Variants in FAM107B observed in about 807,000 individuals in gnomAD.
The protein encoded by FAM107B is protein FAM107B.
A neutral mutation model predicts 31.5 loss-of-function variants in FAM107B; 21 were observed. The observed-to-expected ratio is 0.67, with a 90% CI of 0.47 to 0.96. FAM107B has a LOEUF of 0.96. Ranked by LOEUF, FAM107B falls within the 40% of genes least tolerant of loss-of-function variation. The pLI, the probability that FAM107B is intolerant of heterozygous loss-of-function variation, is 0.00. For missense variants in FAM107B, 452 were observed against 377.1 expected (o/e 1.20, Z -1.64); for synonymous variants, 157 against 141.5 (o/e 1.11, Z -0.78).
chr10:14,654,320 T>C lies in FAM107B; in HGVS notation c.469+13314A>G, dbSNP rs1224874155. On this transcript the variant is annotated intron_variant, in intron 2 of 4. Transcript: ENST00000181796. ...CAGTCATAAGCAGTTGAAATAACCT[T>C]TCGGGTCTTCAGAATTACTTCCTAT... Among the ~76,000 whole-genome samples the C allele has an allele frequency of 1.7e-4, 26 of 152,234 alleles. 1 individual carries two copies. Among genetic ancestry groups the C allele is most frequent in the Non-Finnish European group, 4.4e-5 (3 of 68,040 alleles).
At chr10:14,618,018 CA>C (rs1852897747) in intron 2 of FAM107B, among the ~76,000 whole-genome samples, 1 of 152,188 alleles carries the variant, frequency 6.6e-6, no homozygotes, top group Non-Finnish European at 1.5e-5. Flanking sequence ...ACCACCTCCA[CA>C]ATTATCATAG....
chr10:14,628,112 G>GGTTTTTTTTGTTTTTTTTTTTT, intron 2 of FAM107B, among the ~76,000 whole-genome samples: 1 of 92,688 alleles, frequency 1.1e-5, no homozygotes, highest in East Asian at 4.4e-4. Context: ...TGTTTTGCTG[G>GGTTTTTTTTGTTTTTTTTTTTT]TTTTTTTTTT....
At chr10:14,767,039 TATATATATATATATATAGAGAG>T (rs1239708772) in intron 1 of FAM107B, among the ~76,000 whole-genome samples, 1 of 34,368 alleles carries the variant, frequency 2.9e-5, no homozygotes, top group African/African-American at 7.6e-5. Flanking sequence ...TATATATATA[TATATATATATATATATAGAGAG>T]AGAGAGAGAG....
intron 1 of FAM107B, chr10:14,723,249 G>A (rs1478214074): frequency 3.9e-5 from 21 of 532,278 alleles, no homozygotes; most frequent in Non-Finnish European, 7.8e-5. Flanking sequence ...TGGTGGGGCC[G>A]AGCACTCCAG....
chr10:14,553,942 G>A (rs139492423), intron 2 of FAM107B, among the ~76,000 whole-genome samples: 261 of 152,202 alleles, frequency 1.7e-3, no homozygotes, highest in African/African-American at 5.9e-3. Context: ...AGGCTGACTC[G>A]TTTTAAAGCG....
intron 2 of FAM107B, chr10:14,653,976 A>G (rs3740118): frequency 0.05 from 7,683 of 152,242 alleles, 238 homozygotes; most frequent in South Asian, 0.071. Context: ...TGTAAGGTTT[A>G]TTATTTGTTT....
At chr10:14,523,280 T>C (rs1845861819) in intron 3 of FAM107B, among the ~76,000 whole-genome samples, 2 of 152,338 alleles carry the variant, frequency 1.3e-5, no homozygotes, top group Admixed American at 6.5e-5. Flanking sequence ...AACTCATAAG[T>C]AATCTCAACT....
chr10:14,760,947 G>A (rs1463465109), intron 1 of FAM107B, among the ~76,000 whole-genome samples: 6 of 146,006 alleles, frequency 4.1e-5, no homozygotes, highest in African/African-American at 1.6e-4. Flanking sequence ...GGGAGGCGAA[G>A]GTTGCAGTGA....
intron 1 of FAM107B, among the ~76,000 whole-genome samples, chr10:14,764,291 T>C (rs529975355): frequency 4.6e-5 from 7 of 152,374 alleles, no homozygotes; most frequent in African/African-American, 1.7e-4. Context: ...TTTGATGTTT[T>C]AAGTTACAGG....
intron 1 of FAM107B, among the ~76,000 whole-genome samples, chr10:14,752,762 T>C (rs12098258): frequency 0.013 from 1,965 of 152,082 alleles, 45 homozygotes; most frequent in African/African-American, 0.044. Flanking sequence ...CGAGACCCCA[T>C]CTCTACAAAA....
At chr10:14,616,252 C>T (rs1340153664) in intron 2 of FAM107B, among the ~76,000 whole-genome samples, 1 of 152,082 alleles carries the variant, frequency 6.6e-6, no homozygotes, top group East Asian at 1.9e-4. Flanking sequence ...TCTTAAGACT[C>T]AGTTTTATAT....
At chr10:14,661,742 G>A (rs1854246434) in intron 2 of FAM107B, 1 of 152,258 alleles carries the variant, frequency 6.6e-6, no homozygotes, top group Admixed American at 6.5e-5. Context: ...TTCAGGAAGA[G>A]AATGATTTTG....
chr10:14,612,707 G>A lies in FAM107B; in HGVS notation c.469+54927C>T, dbSNP rs149062374. On this transcript the variant is annotated intron_variant, in intron 2 of 4. Transcript: ENST00000181796. Reference sequence around the variant, plus strand: ...ACAAAGATATGATAGAACTGTCCTTGTCTTTGACAGACCAAAGAAAATAAC... The same window carrying A: ...ACAAAGATATGATAGAACTGTCCTTATCTTTGACAGACCAAAGAAAATAAC... Among the ~76,000 whole-genome samples, 12 of 152,316 alleles carry A rather than the reference G, an allele frequency of 7.9e-5. 1 individual carries two copies. The highest frequency in any genetic ancestry group is 1.8e-4 in the Non-Finnish European group (12 of 68,024).
intron 2 of FAM107B, among the ~76,000 whole-genome samples, chr10:14,546,127 G>A (rs1447772466): frequency 6.6e-6 from 1 of 152,214 alleles, no homozygotes; most frequent in East Asian, 1.9e-4. Context: ...AGAAACTTTA[G>A]AAGGAACACA....
chr10:14,525,674 TGACA>T (rs1846152702), intron 3 of FAM107B, among the ~76,000 whole-genome samples: 1 of 152,198 alleles, frequency 6.6e-6, no homozygotes, highest in Non-Finnish European at 1.5e-5. Context: ...ACATCCCTAC[TGACA>T]GACATCTATT....
intron 2 of FAM107B, among the ~76,000 whole-genome samples, chr10:14,559,113 A>AAAC (rs1554832891): frequency 5.2e-4 from 36 of 69,020 alleles, no homozygotes; most frequent in African/African-American, 1.5e-3. Context: ...AAAAAAAAAA[A>AAAC]AAAACAAAAA....
chr10:14,690,434 C>T (rs34946523), intron 1 of FAM107B, among the ~76,000 whole-genome samples: 64,431 of 151,918 alleles, frequency 0.42, 14,009 homozygotes, highest in African/African-American at 0.51. Context: ...CATACTTTCA[C>T]AACTAGCCCC....
At chr10:14,696,615 T>C (rs1855271814) in intron 1 of FAM107B, among the ~76,000 whole-genome samples, 1 of 152,222 alleles carries the variant, frequency 6.6e-6, no homozygotes, top group Non-Finnish European at 1.5e-5. Context: ...GATTCAGTCA[T>C]GAAATCATCT....
chr10:14,723,794 G>A, intron 1 of FAM107B: 1 of 758,220 alleles, frequency 1.3e-6, no homozygotes, highest in Non-Finnish European at 2.4e-6. Context: ...GCAAACTTCA[G>A]CAGGGCCCTC....
Sources: gnomAD v4.1 joint callset for allele counts (sites outside exome capture counted in the v4.1 genomes callset) on GRCh38, gnomAD v4.1.1 for gene constraint, MANE v1.5 for transcripts, NCBI Gene and HGNC (gene_info 2026-07-23, HGNC 2026-07-21) for gene names.